BTBD9: variants seen among roughly 807,000 people sequenced by gnomAD.
BTBD9 encodes BTB domain containing 9.
A neutral mutation model predicts 64.3 loss-of-function variants in BTBD9; 49 were observed. The ratio of observed to expected loss-of-function variants is 0.76; its 90% CI spans 0.61 to 0.97. BTBD9 has a LOEUF of 0.97. Ranked by LOEUF, BTBD9 falls within the 50% of genes least tolerant of loss-of-function variation. The pLI is 0.00. For synonymous variants in BTBD9, 260 were observed against 274.7 expected, an observed-to-expected ratio of 0.95 and a Z score of 0.53; for missense variants, 598 against 762.1, an observed-to-expected ratio of 0.78 and a Z score of 2.53.
At chr6:38,492,217 A>G (rs1013908989) in intron 6 of BTBD9, among the ~76,000 whole-genome samples, 4 of 152,192 alleles carry the variant, frequency 2.6e-5, no homozygotes, top group Admixed American at 2.6e-4. Flanking sequence ...TCAGGGTTCA[A>G]CAGCACCCCT....
intron 6 of BTBD9, among the ~76,000 whole-genome samples, chr6:38,382,790 A>C (rs1765994129): frequency 6.6e-6 from 1 of 152,156 alleles, no homozygotes; most frequent in South Asian, 2.1e-4. Flanking sequence ...TAAGTCAATA[A>C]ATTCGAAACC....
intron 6 of BTBD9, among the ~76,000 whole-genome samples, chr6:38,559,322 T>C (rs1013717687): frequency 6.6e-6 from 1 of 151,624 alleles, no homozygotes; most frequent in Non-Finnish European, 1.5e-5. Flanking sequence ...CCATTTACAA[T>C]AGTCACACAC....
chr6:38,283,710 G>A (rs949761864), intron 8 of BTBD9, among the ~76,000 whole-genome samples: 3 of 152,202 alleles, frequency 2.0e-5, no homozygotes. Flanking sequence ...GCCAGGGTAA[G>A]AGAGGGTTTC....
chr6:38,626,786 T>A (rs1778183971), intron 1 of BTBD9, among the ~76,000 whole-genome samples: 1 of 152,188 alleles, frequency 6.6e-6, no homozygotes, highest in Non-Finnish European at 1.5e-5. Context: ...TAGAAGTTTC[T>A]CAATCACTGG....
In BTBD9 at chr6:38,592,849, G is replaced by C. The variant is rs765570900; in HGVS notation, c.550-9C>G. Reference sequence around the variant, plus strand: ...ATGTTTAAAAGTGCTGTCTGAAAAGGATAAAAAGGTAAAATTCCAGTTATA... The same window carrying C: ...ATGTTTAAAAGTGCTGTCTGAAAAGCATAAAAAGGTAAAATTCCAGTTATA... On this transcript the variant is annotated splice_polypyrimidine_tract_variant and intron_variant, in intron 3 of 10. Transcript: ENST00000481247. 6.2e-7 allele frequency: 1 copy of C among 1,612,406 alleles called. No individual in the cohort carries two copies. Among genetic ancestry groups the C allele is most frequent in the East Asian group, 2.2e-5 (1 of 44,856 alleles).
At chr6:38,374,307 G>GTATATATATATATATATATATGTGTA (rs1326025092) in intron 6 of BTBD9, among the ~76,000 whole-genome samples, 1 of 59,124 alleles carries the variant, frequency 1.7e-5, no homozygotes. Context: ...GTATATATAT[G>GTATATATATATATATATATATGTGTA]TATATATATA....
intron 6 of BTBD9, among the ~76,000 whole-genome samples, chr6:38,419,333 A>C (rs1767803914): frequency 6.6e-6 from 1 of 152,214 alleles, no homozygotes; most frequent in Non-Finnish European, 1.5e-5. Flanking sequence ...TTACTGTGGC[A>C]CTGTAAATCA....
chr6:38,590,055 T>G (rs1776726566), intron 4 of BTBD9, among the ~76,000 whole-genome samples: 1 of 152,236 alleles, frequency 6.6e-6, no homozygotes, highest in African/African-American at 2.4e-5. Flanking sequence ...TAGACATTTC[T>G]CCCTGCATTC....
chr6:38,331,670 G>A (rs914710667), intron 7 of BTBD9, among the ~76,000 whole-genome samples: 7 of 152,116 alleles, frequency 4.6e-5, no homozygotes, highest in African/African-American at 1.7e-4. Context: ...ACCAGCCTGA[G>A]CAAACATAAT....
chr6:38,515,522 T>C (rs1772985096), intron 6 of BTBD9, among the ~76,000 whole-genome samples: 1 of 152,220 alleles, frequency 6.6e-6, no homozygotes, highest in Admixed American at 6.5e-5. Context: ...ACTAATGGCA[T>C]CATGACATTG....
intron 7 of BTBD9, among the ~76,000 whole-genome samples, chr6:38,290,205 T>C (rs529851072): frequency 6.6e-6 from 1 of 150,568 alleles, no homozygotes; most frequent in South Asian, 2.2e-4. Flanking sequence ...TTTCTGGTGA[T>C]GAATTCCTTG....
At chr6:38,219,038 A>T (rs994493938) in intron 9 of BTBD9, among the ~76,000 whole-genome samples, 5 of 152,126 alleles carry the variant, frequency 3.3e-5, no homozygotes, top group African/African-American at 9.7e-5. Context: ...AGCAAGGAGC[A>T]ATACAGCCCA....
intron 6 of BTBD9, among the ~76,000 whole-genome samples, chr6:38,551,773 T>C (rs188312866): frequency 2.0e-5 from 3 of 152,218 alleles, no homozygotes; most frequent in East Asian, 3.9e-4. Flanking sequence ...CGGCAAACAA[T>C]AGGTTTAGTC....
At chr6:38,341,218 GA>G (rs1764085447) in intron 7 of BTBD9, among the ~76,000 whole-genome samples, 1 of 152,148 alleles carries the variant, frequency 6.6e-6, no homozygotes, top group South Asian at 2.1e-4. Flanking sequence ...TCCAGACTTT[GA>G]AACAATTAGG....
At chr6:38,196,821 T>C (rs769428975) in intron 9 of BTBD9, among the ~76,000 whole-genome samples, 10 of 152,150 alleles carry the variant, frequency 6.6e-5, no homozygotes, top group Non-Finnish European at 1.0e-4. Context: ...AATTTTTCCA[T>C]AGAAATAAAG....
At chr6:38,538,148 T>C (rs1199471965) in intron 6 of BTBD9, among the ~76,000 whole-genome samples, 1 of 152,196 alleles carries the variant, frequency 6.6e-6, no homozygotes, top group Non-Finnish European at 1.5e-5. Context: ...AAAACCACTC[T>C]TTGCAAATTT....
rs55979438 is a variant in BTBD9 at position 38,527,263 on chromosome 6, C to CAAAAAAAAAAA, written c.1154+50326_1154+50336dup. On this transcript the variant is annotated intron_variant, in intron 6 of 10. Coordinates refer to ENST00000481247, the MANE Select transcript of BTBD9 (RefSeq NM_001099272.2). ...TGCACTCCAGAGCGAGACTCTGTCT[C>CAAAAAAAAAAA]AAAAAAAAAAAAAAAAAAAAAAAAA... Among the ~76,000 whole-genome samples, 15 of 53,338 alleles carry CAAAAAAAAAAA rather than the reference C, an allele frequency of 2.8e-4. 1 individual carries two copies. Among genetic ancestry groups the CAAAAAAAAAAA allele is most frequent in the East Asian group, 7.0e-4 (1 of 1,422 alleles). 35.0% of individuals were successfully genotyped at this position (53,338 alleles called of 152,430 possible).
chr6:38,598,460 T>C (rs1403676742), intron 1 of BTBD9, among the ~76,000 whole-genome samples: 1 of 152,054 alleles, frequency 6.6e-6, no homozygotes, highest in Non-Finnish European at 1.5e-5. Flanking sequence ...CAGAATAACT[T>C]CTCTTTTACA....
chr6:38,627,185 A>G (rs1778197424), intron 1 of BTBD9, among the ~76,000 whole-genome samples: 1 of 152,224 alleles, frequency 6.6e-6, no homozygotes, highest in Non-Finnish European at 1.5e-5. Context: ...GGTGCTTATG[A>G]TGCAGGTCAG....
Sources: gnomAD v4.1 joint callset for allele counts (sites outside exome capture counted in the v4.1 genomes callset) on GRCh38, gnomAD v4.1.1 for gene constraint, MANE v1.5 for transcripts, NCBI Gene and HGNC (gene_info 2026-07-23, HGNC 2026-07-21) for gene names.